Variants in LRRTM4 observed in about 807,000 individuals in gnomAD.
The protein encoded by LRRTM4 is leucine rich repeat transmembrane neuronal 4.
A neutral mutation model predicts 47.6 loss-of-function variants in LRRTM4; 25 were observed. The observed-to-expected ratio is 0.53, with a 90% CI of 0.38 to 0.73. LRRTM4 has a LOEUF of 0.73. Ranked by LOEUF, LRRTM4 falls within the 30% of genes least tolerant of loss-of-function variation. The pLI, the probability that LRRTM4 is intolerant of heterozygous loss-of-function variation, is 0.00. For synonymous variants in LRRTM4, 311 were observed against 269.5 expected (o/e 1.15, Z -1.51); for missense variants, 638 against 713.4 (o/e 0.89, Z 1.20).
At position 76,947,035 on chromosome 2, in the gene LRRTM4, G is replaced by C. The variant is rs1675344590; in HGVS notation, c.1552-198119C>G. On this transcript the variant is annotated intron_variant, in intron 3 of 3. Transcript: ENST00000409884. ...TAGAACCAATAAATAAAGATGTAGAGGGAAGGGTTTTAAACTCTCAGTTCC... is the reference window on the plus strand; with the variant it reads ...TAGAACCAATAAATAAAGATGTAGACGGAAGGGTTTTAAACTCTCAGTTCC... Among the ~76,000 whole-genome samples the C allele has an allele frequency of 2.0e-5, 3 of 151,752 alleles. No homozygotes were observed. In the South Asian group the frequency reaches 6.2e-4, roughly 31 times the overall value.
chr2:77,083,988 G>T, intron 3 of LRRTM4, among the ~76,000 whole-genome samples: 1 of 151,228 alleles, frequency 6.6e-6, no homozygotes, highest in East Asian at 2.0e-4. Flanking sequence ...TATATTTTTA[G>T]TAGAGACGGG....
At chr2:76,779,245 G>T (rs568801088) in intron 3 of LRRTM4, among the ~76,000 whole-genome samples, 1 of 151,906 alleles carries the variant, frequency 6.6e-6, no homozygotes, top group East Asian at 1.9e-4. Context: ...GTGTTGATTT[G>T]GGGTGGAGAG....
chr2:76,911,236 G>T (rs1428145556), intron 3 of LRRTM4, among the ~76,000 whole-genome samples: 2 of 148,230 alleles, frequency 1.3e-5, no homozygotes, highest in Non-Finnish European at 2.9e-5. Flanking sequence ...AGATAGACGT[G>T]TTGTGAAGCC....
chr2:77,008,169 G>A (rs1159598501), intron 3 of LRRTM4, among the ~76,000 whole-genome samples: 5 of 152,096 alleles, frequency 3.3e-5, no homozygotes, highest in Admixed American at 3.3e-4. Context: ...ATGTTGTGTG[G>A]TATTAGCATA....
intron 3 of LRRTM4, among the ~76,000 whole-genome samples, chr2:77,370,761 TGTC>T (rs989518581): frequency 1.3e-5 from 2 of 151,738 alleles, no homozygotes; most frequent in Non-Finnish European, 2.9e-5. Context: ...TAAGTGCTCT[TGTC>T]GTGTCAGAGG....
At chr2:76,936,462 G>A (rs369326599) in intron 3 of LRRTM4, among the ~76,000 whole-genome samples, 1 of 151,686 alleles carries the variant, frequency 6.6e-6, no homozygotes, top group African/African-American at 2.4e-5. Flanking sequence ...GGGAGGGATA[G>A]CATTAGGAGA....
chr2:77,013,590 G>A (rs1677952545), intron 3 of LRRTM4, among the ~76,000 whole-genome samples: 1 of 152,028 alleles, frequency 6.6e-6, no homozygotes, highest in African/African-American at 2.4e-5. Flanking sequence ...TGACAGCCTA[G>A]GCTGAGAGAA....
intron 3 of LRRTM4, among the ~76,000 whole-genome samples, chr2:76,938,482 C>T (rs534686486): frequency 6.6e-6 from 1 of 152,136 alleles, no homozygotes; most frequent in South Asian, 2.1e-4. Context: ...GGACTTCTTC[C>T]TAATTGCTTT....
At chr2:77,155,246 G>A (rs1672530710) in intron 3 of LRRTM4, among the ~76,000 whole-genome samples, 1 of 151,556 alleles carries the variant, frequency 6.6e-6, no homozygotes. Flanking sequence ...ACAGATAATT[G>A]TTAAATTTTT....
At chr2:77,268,750 C>G (rs1206039542) in intron 3 of LRRTM4, among the ~76,000 whole-genome samples, 1 of 152,162 alleles carries the variant, frequency 6.6e-6, no homozygotes, top group African/African-American at 2.4e-5. Context: ...CCCTACCTTT[C>G]TGTATTCTGA....
chr2:76,857,309 A>AAT (rs1177824034), intron 3 of LRRTM4, among the ~76,000 whole-genome samples: 6 of 147,882 alleles, frequency 4.1e-5, no homozygotes, highest in African/African-American at 1.5e-4. Flanking sequence ...CAGTATATAT[A>AAT]ATATATATAT....
intron 3 of LRRTM4, among the ~76,000 whole-genome samples, chr2:77,467,315 C>T (rs887346839): frequency 6.6e-6 from 1 of 152,066 alleles, no homozygotes; most frequent in African/African-American, 2.4e-5. Context: ...AGACTCAGCC[C>T]CATCCACGGA....
chr2:76,976,682 G>A (rs914053915), intron 3 of LRRTM4, among the ~76,000 whole-genome samples: 2 of 151,734 alleles, frequency 1.3e-5, no homozygotes, highest in African/African-American at 4.8e-5. Flanking sequence ...AGAATTGTGG[G>A]TATTAGGGGC....
intron 3 of LRRTM4, among the ~76,000 whole-genome samples, chr2:76,960,568 TAC>T (rs1675822348): frequency 1.7e-5 from 2 of 114,906 alleles, no homozygotes; most frequent in Admixed American, 2.1e-4. Context: ...TCAACTCAAA[TAC>T]TCAATTTAGC....
chr2:76,780,860 C>G (rs1674339818), intron 3 of LRRTM4, among the ~76,000 whole-genome samples: 1 of 150,182 alleles, frequency 6.7e-6, no homozygotes, highest in Non-Finnish European at 1.5e-5. Flanking sequence ...TCCAGTTTTT[C>G]TGTTCTGTTT....
At chr2:76,838,997 A>G (rs1671595692) in intron 3 of LRRTM4, among the ~76,000 whole-genome samples, 1 of 152,100 alleles carries the variant, frequency 6.6e-6, no homozygotes, top group Non-Finnish European at 1.5e-5. Flanking sequence ...CTATTTCTCA[A>G]TGAAAAGAAA....
intron 3 of LRRTM4, among the ~76,000 whole-genome samples, chr2:76,873,717 C>G (rs1043836796): frequency 6.6e-6 from 1 of 151,242 alleles, no homozygotes; most frequent in Non-Finnish European, 1.5e-5. Context: ...CCAATATGAC[C>G]TTATTGTTAA....
chr2:77,058,001 T>C (rs898943751), intron 3 of LRRTM4, among the ~76,000 whole-genome samples: 2 of 152,186 alleles, frequency 1.3e-5, no homozygotes, highest in Non-Finnish European at 2.9e-5. Context: ...CGGTTTCTGT[T>C]CCTCCAATAA....
intron 3 of LRRTM4, among the ~76,000 whole-genome samples, chr2:77,236,191 C>A (rs1675099267): frequency 6.6e-6 from 1 of 151,874 alleles, no homozygotes; most frequent in Non-Finnish European, 1.5e-5. Flanking sequence ...ATCTACAATA[C>A]TTTTTAACAG....
Sources: gnomAD v4.1 joint callset for allele counts (sites outside exome capture counted in the v4.1 genomes callset) on GRCh38, gnomAD v4.1.1 for gene constraint, MANE v1.5 for transcripts, NCBI Gene and HGNC (gene_info 2026-07-23, HGNC 2026-07-21) for gene names.